The following NEO1 variants were observed in gnomAD, a reference collection of about 807,000 sequenced individuals.
NEO1 encodes the protein neogenin 1.
NEO1 carries 63 observed loss-of-function variants against 159.7 expected under a neutral mutation model. The ratio of observed to expected loss-of-function variants is 0.39; its 90% CI spans 0.32 to 0.49. The LOEUF (loss-of-function observed/expected upper bound fraction) is 0.49. NEO1 is among the 20% of genes least tolerant of loss of function. The pLI is 0.85. For missense variants in NEO1, 1,615 were observed against 1,831.0 expected (o/e 0.88, Z 2.15); for synonymous variants, 633 against 662.0 (o/e 0.96, Z 0.67).
At chr15:73,103,182 T>A (rs2070494473) in intron 1 of NEO1, among the ~76,000 whole-genome samples, 1 of 152,330 alleles carries the variant, frequency 6.6e-6, no homozygotes, top group Admixed American at 6.5e-5. Context: ...TCTCCAATCT[T>A]GTTCCCTTTA....
At chr15:73,213,298 T>C (rs968638002) in intron 7 of NEO1, among the ~76,000 whole-genome samples, 1 of 152,126 alleles carries the variant, frequency 6.6e-6, no homozygotes, top group South Asian at 2.1e-4. Flanking sequence ...TTCCGTAAGT[T>C]ATTAGGGTAC....
chr15:73,224,211 T>G (rs1351357501), intron 7 of NEO1, among the ~76,000 whole-genome samples: 1 of 152,198 alleles, frequency 6.6e-6, no homozygotes, highest in Non-Finnish European at 1.5e-5. Context: ...TACCTGGTGC[T>G]TCTGTCTCAC....
At chr15:73,235,349 C>T (rs1167790462) in intron 7 of NEO1, among the ~76,000 whole-genome samples, 6 of 152,066 alleles carry the variant, frequency 3.9e-5, no homozygotes, top group African/African-American at 1.2e-4. Context: ...TCTCTAACTC[C>T]GAAGTGAAAG....
At chr15:73,152,327 C>A (rs1454100266) in intron 5 of NEO1, among the ~76,000 whole-genome samples, 2 of 152,076 alleles carry the variant, frequency 1.3e-5, no homozygotes, top group African/African-American at 4.8e-5. Flanking sequence ...AAAGAGGGGC[C>A]CACCTCATAT....
At chr15:73,166,675 A>G (rs1198497440) in intron 5 of NEO1, among the ~76,000 whole-genome samples, 2 of 152,194 alleles carry the variant, frequency 1.3e-5, no homozygotes, top group African/African-American at 4.8e-5. Context: ...GCAGTTCATT[A>G]AGGAAGAGAA....
At position 73,301,268 on chromosome 15, in the gene NEO1, G is replaced by C. The variant is rs995259202; in HGVS notation, c.4166-53G>C. The C allele has an allele frequency of 2.1e-5, 34 of 1,611,070 alleles. No homozygotes were observed. In the African/African-American group the frequency reaches 4.0e-4, roughly 19 times the overall value. ...CACTTGGACCTTAGGGCCTTCATGAGGTCTAGGGGAGGCAGGCTTGGCCAC... is the reference window on the plus strand; with the variant it reads ...CACTTGGACCTTAGGGCCTTCATGACGTCTAGGGGAGGCAGGCTTGGCCAC... On this transcript the variant is annotated intron_variant, in intron 27 of 28. Coordinates refer to ENST00000261908, the MANE Select transcript of NEO1 (RefSeq NM_002499.4).
chr15:73,191,328 G>A (rs1284623608), intron 7 of NEO1, among the ~76,000 whole-genome samples: 5 of 151,882 alleles, frequency 3.3e-5, no homozygotes, highest in African/African-American at 4.8e-5. Flanking sequence ...TGTAACTTTA[G>A]GATAATAGTA....
chr15:73,068,221 C>CT (rs2068322639), intron 1 of NEO1, among the ~76,000 whole-genome samples: 12 of 94,094 alleles, frequency 1.3e-4, no homozygotes, highest in African/African-American at 2.4e-4. Flanking sequence ...TTTTGTCCCC[C>CT]TACCCCCCCC....
At chr15:73,174,148 G>A (rs572389754) in intron 5 of NEO1, among the ~76,000 whole-genome samples, 1 of 152,036 alleles carries the variant, frequency 6.6e-6, no homozygotes, top group Non-Finnish European at 1.5e-5. Context: ...ACTAAAAAGG[G>A]CAAAATAGGA....
chr15:73,198,159 G>A (rs762588582), intron 7 of NEO1, among the ~76,000 whole-genome samples: 6 of 151,644 alleles, frequency 4.0e-5, no homozygotes, highest in Admixed American at 3.9e-4. Context: ...AAAATTCAAC[G>A]TATTTAGCCA....
chr15:73,117,640 C>G (rs764840059), intron 2 of NEO1, among the ~76,000 whole-genome samples: 8 of 152,196 alleles, frequency 5.3e-5, no homozygotes, highest in Non-Finnish European at 1.0e-4. Context: ...CATCTCATTC[C>G]TACTCCAGGA....
chr15:73,111,482 A>G (rs142489508), intron 1 of NEO1, among the ~76,000 whole-genome samples: 260 of 152,354 alleles, frequency 1.7e-3, no homozygotes, highest in African/African-American at 5.8e-3. Flanking sequence ...TTAAAAATCA[A>G]CTGAAATCCT....
At chr15:73,209,123 T>G (rs1282630027) in intron 7 of NEO1, among the ~76,000 whole-genome samples, 1 of 152,210 alleles carries the variant, frequency 6.6e-6, no homozygotes, top group South Asian at 2.1e-4. Context: ...TATTTTAAAT[T>G]TGGAAAAAGT....
At chr15:73,219,922 C>A (rs1450980197) in intron 7 of NEO1, among the ~76,000 whole-genome samples, 1 of 151,606 alleles carries the variant, frequency 6.6e-6, no homozygotes, top group African/African-American at 2.4e-5. Flanking sequence ...AGTCCATTTA[C>A]ATTTAAAGTT....
chr15:73,130,830 A>G (rs1174780412), intron 4 of NEO1, among the ~76,000 whole-genome samples: 1 of 152,234 alleles, frequency 6.6e-6, no homozygotes, highest in South Asian at 2.1e-4. Context: ...ACCATCATGT[A>G]GTAGCAAGGC....
chr15:73,160,629 A>G (rs1402020282), intron 5 of NEO1, among the ~76,000 whole-genome samples: 1 of 152,126 alleles, frequency 6.6e-6, no homozygotes, highest in East Asian at 1.9e-4. Context: ...AGTGGCTCAC[A>G]GGGCTCAGGG....
chr15:73,304,256 G>A lies in NEO1; in HGVS notation c.*1560G>A, dbSNP rs1248078314. 1 of 152,108 alleles carries A rather than the reference G, an allele frequency of 6.6e-6. No individual in the cohort carries two copies. Among genetic ancestry groups the A allele is most frequent in the Non-Finnish European group, 1.5e-5 (1 of 68,042 alleles). 9.4% of individuals were successfully genotyped at this position (152,108 alleles called of 1,614,324 possible). A position where few individuals can be genotyped will look rare whatever the true frequency, so the allele number is the denominator to read the frequency against. On this transcript the variant is annotated 3_prime_UTR_variant, in exon 29 of 29. Transcript: ENST00000261908. ...TGGGTTCTTTTTCCTAAAAAGGTAA[G>A]GAGCTGAGGTGTGTGGTTTTTTAAT...
chr15:73,216,560 G>GTCT (rs2037897145), intron 7 of NEO1, among the ~76,000 whole-genome samples: 1 of 152,186 alleles, frequency 6.6e-6, no homozygotes, highest in Non-Finnish European at 1.5e-5. Context: ...CAGTGTAAAA[G>GTCT]TCTTCCCCTT....
intron 1 of NEO1, among the ~76,000 whole-genome samples, chr15:73,068,285 G>A (rs1310693829): frequency 1.4e-5 from 2 of 144,860 alleles, no homozygotes; most frequent in African/African-American, 5.2e-5. Flanking sequence ...GCATTGGTGG[G>A]TTCTCGGCTC....
Sources: gnomAD v4.1 joint callset for allele counts (sites outside exome capture counted in the v4.1 genomes callset) on GRCh38, gnomAD v4.1.1 for gene constraint, MANE v1.5 for transcripts, NCBI Gene and HGNC (gene_info 2026-07-23, HGNC 2026-07-21) for gene names.